The following LHCGR variants were observed in gnomAD, a reference collection of about 807,000 sequenced individuals.
LHCGR encodes the protein luteinizing hormone/choriogonadotropin receptor, also known as lutropin-choriogonadotropic hormone receptor.
A neutral mutation model predicts 60.7 loss-of-function variants in LHCGR; 55 were observed. That is an observed-to-expected ratio of 0.91 (90% confidence interval 0.73 to 1.13). The LOEUF is 1.13. Ranked by LOEUF, LHCGR falls within the 50% of genes most tolerant of loss-of-function variation. The probability of loss-of-function intolerance (pLI) is 0.00; values close to 1 mark genes in which losing one functional copy is unlikely to be tolerated. For missense variants in LHCGR, 862 were observed against 836.0 expected, an observed-to-expected ratio of 1.03 and a Z score of -0.38; for synonymous variants, 337 against 316.5, an observed-to-expected ratio of 1.06 and a Z score of -0.69.
intron 8 of LHCGR, among the ~76,000 whole-genome samples, chr2:48,703,699 G>T (rs1192108248): frequency 2.0e-5 from 3 of 152,034 alleles, no homozygotes; most frequent in Non-Finnish European, 4.4e-5. Context: ...ATTTCTTATT[G>T]GTGAATAGGA....
rs61996321 is a variant in LHCGR at position 48,709,006 on chromosome 2, C to T, written c.622G>A (p.Val208Ile). 1.1e-3 allele frequency: 1,706 copies of T among 1,614,100 alleles called. 16 individuals are homozygous for T. The African/African-American group carries it at 0.02, about 19-fold the overall frequency. Reference protein sequence around the residue: ...TLTSLELKENVHLEKMHNGAF... With the variant: ...TLTSLELKENIHLEKMHNGAF... ...CCATTGTGCATCTTCTCCAGATGTA[C>T]GTTTTCCTTTAGCTCCCTGTGGGGA... The change falls in exon 8 of 11, where the codon GTA becomes ATA. Residue 208 changes from valine (V) to isoleucine (I), a missense_variant. Val to Ile is a conservative substitution (Grantham distance 29, BLOSUM62 3). Transcript: ENST00000294954.
chr2:48,746,139 C>T (rs936582144), intron 1 of LHCGR, among the ~76,000 whole-genome samples: 1 of 152,288 alleles, frequency 6.6e-6, no homozygotes, highest in Non-Finnish European at 1.5e-5. Context: ...TAATTCACAG[C>T]TGCTTACTGT....
Position 48,687,419 on chromosome 2 carries a change from T to G in LHCGR, c.*278A>C, listed in dbSNP as rs1247615214. ...GATATGCAAAATACCTCCTCAGTTT[T>G]TTAAAAGATTCATCAAACAAAATTA... On this transcript the variant is annotated 3_prime_UTR_variant, in exon 11 of 11. Transcript: ENST00000294954. 5.5e-5 allele frequency: 20 copies of G among 360,818 alleles called. No homozygotes were observed. Among genetic ancestry groups the G allele is most frequent in the Non-Finnish European group, 1.0e-4 (20 of 200,130 alleles). The allele number at this position is 360,818 out of a possible 1,614,324, so 22.4% of individuals were successfully genotyped here.
intron 1 of LHCGR, chr2:48,732,794 A>G (rs542553757): frequency 3.8e-6 from 2 of 525,726 alleles, no homozygotes; most frequent in African/African-American, 3.9e-5. Context: ...ATAGGGAGGA[A>G]ATTTCATTTC....
intron 1 of LHCGR, among the ~76,000 whole-genome samples, chr2:48,752,503 A>C (rs1367892468): frequency 6.7e-6 from 1 of 149,706 alleles, no homozygotes; most frequent in Non-Finnish European, 1.5e-5. Flanking sequence ...CTCCTCCTGG[A>C]AGACTTACCT....
At chr2:48,711,240 G>A (rs2104424946) in intron 7 of LHCGR, among the ~76,000 whole-genome samples, 1 of 152,216 alleles carries the variant, frequency 6.6e-6, no homozygotes, top group East Asian at 1.9e-4. Context: ...TACTCTCTCA[G>A]ATCTCAGTAA....
intron 8 of LHCGR, among the ~76,000 whole-genome samples, chr2:48,706,407 G>A (rs1667675762): frequency 6.6e-6 from 1 of 152,126 alleles, no homozygotes; most frequent in South Asian, 2.1e-4. Flanking sequence ...TCTTTGTGGT[G>A]TTCTCTGTAT....
intron 7 of LHCGR, among the ~76,000 whole-genome samples, chr2:48,712,522 C>T (rs1369427872): frequency 6.6e-6 from 1 of 151,976 alleles, no homozygotes; most frequent in Non-Finnish European, 1.5e-5. Context: ...TGTTAATGAA[C>T]CTTTCATTAA....
At chr2:48,726,684 A>C (rs1320014349) in intron 3 of LHCGR, among the ~76,000 whole-genome samples, 2 of 152,246 alleles carry the variant, frequency 1.3e-5, no homozygotes, top group Admixed American at 6.5e-5. Context: ...GGTTAGGAGC[A>C]TGGGCTCTGG....
At chr2:48,714,477 A>G (rs1668144069) in intron 6 of LHCGR, among the ~76,000 whole-genome samples, 1 of 145,470 alleles carries the variant, frequency 6.9e-6, no homozygotes, top group African/African-American at 2.5e-5. Flanking sequence ...TCCAGCACTG[A>G]GCCCACTTTT....
intron 9 of LHCGR, among the ~76,000 whole-genome samples, chr2:48,696,937 C>T (rs1193403825): frequency 1.3e-5 from 2 of 152,174 alleles, no homozygotes; most frequent in African/African-American, 2.4e-5. Context: ...TGTTCTCTCA[C>T]CAGCTTTGCT....
chr2:48,692,492 G>C (rs1416388931), intron 10 of LHCGR, among the ~76,000 whole-genome samples: 5 of 152,160 alleles, frequency 3.3e-5, no homozygotes, highest in African/African-American at 4.8e-5. Context: ...ACTGGTATTT[G>C]TGTCCTGGGA....
intron 1 of LHCGR, among the ~76,000 whole-genome samples, chr2:48,745,193 A>G (rs1412325193): frequency 1.3e-5 from 2 of 152,198 alleles, no homozygotes; most frequent in Admixed American, 1.3e-4. Context: ...AAGTCAGGAA[A>G]CGACAGATGC....
At chr2:48,714,483 C>CTTT (rs61510695) in intron 6 of LHCGR, among the ~76,000 whole-genome samples, 1 of 139,928 alleles carries the variant, frequency 7.1e-6, no homozygotes, top group Non-Finnish European at 1.6e-5. Context: ...ACTGAGCCCA[C>CTTT]TTTTTTTTTT....
chr2:48,718,636 A>C (rs1045878790), intron 6 of LHCGR, among the ~76,000 whole-genome samples: 10 of 152,230 alleles, frequency 6.6e-5, no homozygotes, highest in Admixed American at 4.6e-4. Flanking sequence ...TGACTATACA[A>C]ACAGAATTCT....
intron 9 of LHCGR, among the ~76,000 whole-genome samples, chr2:48,694,884 C>T (rs1667040572): frequency 6.6e-6 from 1 of 152,160 alleles, no homozygotes; most frequent in South Asian, 2.1e-4. Flanking sequence ...GAGGCCTGTT[C>T]TCACCTGGGG....
At chr2:48,732,852 A>G (rs370356495) in intron 1 of LHCGR, 8 of 534,312 alleles carry the variant, frequency 1.5e-5, no homozygotes, top group Non-Finnish European at 3.1e-5. Flanking sequence ...TATAACCTAG[A>G]GAAAGTAATC....
chr2:48,753,688 G>A (rs1670082362), intron 1 of LHCGR, among the ~76,000 whole-genome samples: 1 of 152,160 alleles, frequency 6.6e-6, no homozygotes, highest in Non-Finnish European at 1.5e-5. Flanking sequence ...GCACGTGGCA[G>A]CAGGAGCCCT....
At chr2:48,743,946 CA>C (rs1669587704) in intron 1 of LHCGR, among the ~76,000 whole-genome samples, 1 of 150,360 alleles carries the variant, frequency 6.7e-6, no homozygotes, top group Non-Finnish European at 1.5e-5. Context: ...TAGAAAACCC[CA>C]TTGTCTCAGG....
Sources: allele counts gnomAD v4.1 joint callset (sites outside exome capture counted in the v4.1 genomes callset), GRCh38; gene constraint gnomAD v4.1.1; transcripts MANE v1.5; gene names NCBI Gene and HGNC (gene_info 2026-07-23, HGNC 2026-07-21).